Variants in HDAC4 observed in about 807,000 individuals in gnomAD.
The protein encoded by HDAC4 is histone deacetylase 4, also known as histone deacetylase A.
HDAC4 carries 16 observed loss-of-function variants against 135.1 expected under a neutral mutation model. That is an observed-to-expected ratio of 0.12 (90% CI 0.08 to 0.18). HDAC4 has a LOEUF of 0.18. Ranked by LOEUF, HDAC4 falls within the 10% of genes least tolerant of loss-of-function variation. HDAC4 has a pLI of 1.00. For missense variants in HDAC4, 1,143 were observed against 1,511.8 expected (o/e 0.76, Z 4.05); for synonymous variants, 685 against 653.4 (o/e 1.05, Z -0.74).
At chr2:239,077,169 T>G (rs1287735208) in intron 22 of HDAC4, among the ~76,000 whole-genome samples, 1 of 152,240 alleles carries the variant, frequency 6.6e-6, no homozygotes, top group Non-Finnish European at 1.5e-5. Flanking sequence ...GTGATGCTTC[T>G]TCATTCCACA....
intron 2 of HDAC4, among the ~76,000 whole-genome samples, chr2:239,326,855 T>A (rs2125795303): frequency 6.6e-6 from 1 of 152,300 alleles, no homozygotes; most frequent in East Asian, 1.9e-4. Flanking sequence ...GAGGCCTCTC[T>A]GAATGCTGAT....
At position 239,240,774 on chromosome 2, in the gene HDAC4, G is replaced by A. The variant is rs1262659308; in HGVS notation, c.23-4110C>T. 2.0e-5 allele frequency among the ~76,000 whole-genome samples: 3 copies of A among 152,216 alleles called. No individual in the cohort carries two copies. Among genetic ancestry groups the A allele is most frequent in the African/African-American group, 7.2e-5 (3 of 41,456 alleles). On this transcript the variant is annotated intron_variant, in intron 2 of 26. Transcript: ENST00000543185. The surrounding 1 kb of genome is among the most constrained non-coding windows in gnomAD (Gnocchi z 4.5). ...GTGCTCAATGCACCCACAGTCAACT[G>A]CAGTGACCACATCACTCTTGCCAGG...
chr2:239,370,200 G>T (rs549184184), intron 1 of HDAC4, among the ~76,000 whole-genome samples: 1 of 152,164 alleles, frequency 6.6e-6, no homozygotes, highest in Non-Finnish European at 1.5e-5. Context: ...AGACAACCAT[G>T]CAACCCTTAG....
intron 3 of HDAC4, among the ~76,000 whole-genome samples, chr2:239,203,517 T>C (rs2045880091): frequency 6.6e-6 from 1 of 152,176 alleles, no homozygotes; most frequent in South Asian, 2.1e-4. Context: ...CACTAACCAG[T>C]ATGAGTCCTG....
chr2:239,159,011 C>A (rs2042603551), intron 6 of HDAC4, among the ~76,000 whole-genome samples: 1 of 151,384 alleles, frequency 6.6e-6, no homozygotes, highest in South Asian at 2.1e-4. Context: ...CCCACCCATA[C>A]CTGCACCTCA....
chr2:239,300,791 C>T (rs1194711611), intron 2 of HDAC4, among the ~76,000 whole-genome samples: 1 of 152,258 alleles, frequency 6.6e-6, no homozygotes, highest in Non-Finnish European at 1.5e-5. Flanking sequence ...CTTCTTTATC[C>T]TCTTCCATAA....
rs75619022 is a variant in HDAC4, at chr2:239,086,830, G to A, written c.2444+729C>T. On this transcript the variant is annotated intron_variant, in intron 19 of 26. Transcript: ENST00000543185. The stretch of plus-strand genomic sequence containing the variant: ...CACCGAAGCTGGCAAGATCAGGCAC[G>A]CCTTCTCCATCTCCAGAGCATGGGG... 3.3e-5 allele frequency among the ~76,000 whole-genome samples: 5 copies of A among 152,312 alleles called. No individual in the cohort carries two copies. The East Asian group carries it at 9.6e-4, about 29-fold the overall frequency.
At position 239,240,170 on chromosome 2, in the gene HDAC4, C is replaced by T. The variant is rs1046527476; in HGVS notation, c.23-3506G>A. Among the ~76,000 whole-genome samples the T allele has an allele frequency of 4.6e-5, 7 of 152,192 alleles. No individual in the cohort carries two copies. The highest frequency in any genetic ancestry group is 4.1e-4 in the South Asian group (2 of 4,832). On this transcript the variant is annotated intron_variant, in intron 2 of 26. Coordinates refer to ENST00000543185, the MANE Select transcript of HDAC4 (RefSeq NM_001378414.1). This position sits in a 1 kb window ranked among gnomAD's most constrained non-coding sequence, Gnocchi z 4.5. ...CACAATCCTGGGGGTAAAGCAGTGG[C>T]GGTGAGTGCACTTTGCAGGCGCAGG...
At chr2:239,373,228 C>T (rs943671246) in intron 1 of HDAC4, among the ~76,000 whole-genome samples, 1 of 152,146 alleles carries the variant, frequency 6.6e-6, no homozygotes, top group African/African-American at 2.4e-5. Context: ...GACACTGCTG[C>T]GGCCTCTACA....
intron 3 of HDAC4, among the ~76,000 whole-genome samples, chr2:239,217,481 T>C (rs2153112333): frequency 6.6e-6 from 1 of 152,346 alleles, no homozygotes; most frequent in South Asian, 2.1e-4. Context: ...ATATTATTTA[T>C]ATGTTATAAA....
chr2:239,089,206 T>C (rs1445078551), intron 18 of HDAC4, among the ~76,000 whole-genome samples: 1 of 152,252 alleles, frequency 6.6e-6, no homozygotes, highest in Non-Finnish European at 1.5e-5. Context: ...TACGTATCTG[T>C]GTGGGGCCAG....
At chr2:239,225,975 G>T (rs1559251276) in intron 3 of HDAC4, among the ~76,000 whole-genome samples, 1 of 152,128 alleles carries the variant, frequency 6.6e-6, no homozygotes, top group East Asian at 1.9e-4. Context: ...TGACATTAGG[G>T]TCAAATGTGG....
chr2:239,391,555 C>G (rs1290234914), intron 1 of HDAC4, among the ~76,000 whole-genome samples: 1 of 152,192 alleles, frequency 6.6e-6, no homozygotes, highest in African/African-American at 2.4e-5. Context: ...AAGAGGAAAG[C>G]TGAGTCTCTG....
chr2:239,227,373 G>C (rs1179775452), intron 3 of HDAC4, among the ~76,000 whole-genome samples: 2 of 152,170 alleles, frequency 1.3e-5, no homozygotes, highest in African/African-American at 2.4e-5. Flanking sequence ...AGGGCAGGCA[G>C]CATTGGGCCC....
intron 1 of HDAC4, among the ~76,000 whole-genome samples, chr2:239,369,056 G>C (rs921685568): frequency 6.6e-6 from 1 of 152,082 alleles, no homozygotes; most frequent in African/African-American, 2.4e-5. Context: ...GGTGACAAAG[G>C]ACCTGCACAC....
intron 1 of HDAC4, among the ~76,000 whole-genome samples, chr2:239,377,588 C>T (rs1434441923): frequency 6.6e-6 from 1 of 152,230 alleles, no homozygotes; most frequent in Non-Finnish European, 1.5e-5. Flanking sequence ...TGTATCCTGC[C>T]TCACTTCGCC....
intron 2 of HDAC4, among the ~76,000 whole-genome samples, chr2:239,250,435 A>C (rs2048720104): frequency 6.6e-6 from 1 of 152,226 alleles, no homozygotes; most frequent in African/African-American, 2.4e-5. Flanking sequence ...AGATTCAGAT[A>C]GTCCAGGGCC....
chr2:239,142,220 A>G (rs907896047), intron 8 of HDAC4, among the ~76,000 whole-genome samples: 3 of 152,152 alleles, frequency 2.0e-5, no homozygotes, highest in Non-Finnish European at 4.4e-5. Flanking sequence ...ACTGAGAAAA[A>G]GCAGAGTATC....
chr2:239,245,929 C>T lies in HDAC4; in HGVS notation c.23-9265G>A, dbSNP rs1012402970. ...CACAGCTCAGCGAGCAGGCCCTGAG[C>T]GTCTGGGAACGTGAGAGTGAGCAAC... On this transcript the variant is annotated intron_variant, in intron 2 of 26. Coordinates refer to ENST00000543185, the MANE Select transcript of HDAC4 (RefSeq NM_001378414.1). The surrounding 1 kb of genome is among the most constrained non-coding windows in gnomAD (Gnocchi z 4.4). Among the ~76,000 whole-genome samples the T allele has an allele frequency of 6.6e-6, 1 of 152,118 alleles. No individual in the cohort carries two copies. The highest frequency in any genetic ancestry group is 1.5e-5 in the Non-Finnish European group (1 of 68,030).
Sources: gnomAD v4.1 joint callset for allele counts (sites outside exome capture counted in the v4.1 genomes callset) on GRCh38, gnomAD v4.1.1 for gene constraint, Gnocchi (gnomAD v3.1) non-coding constraint, MANE v1.5 for transcripts, NCBI Gene and HGNC (gene_info 2026-07-23, HGNC 2026-07-21) for gene names.